The following LRRK2 variants were observed in gnomAD, a reference collection of about 807,000 sequenced individuals.
LRRK2 encodes leucine rich repeat kinase 2, also known as leucine-rich repeat serine/threonine-protein kinase 2.
In LRRK2, 203 loss-of-function variants were observed where a neutral mutation model predicts 302.6. That is an observed-to-expected ratio of 0.67 (90% confidence interval 0.60 to 0.75). The LOEUF is 0.75. LRRK2 is among the 30% of genes least tolerant of loss of function. The probability of loss-of-function intolerance (pLI) is 0.00; values close to 1 mark genes in which losing one functional copy is unlikely to be tolerated. For synonymous variants in LRRK2, 1,066 were observed against 1,031.9 expected, an observed-to-expected ratio of 1.03 and a Z score of -0.63; for missense variants, 2,830 against 2,951.0, an observed-to-expected ratio of 0.96 and a Z score of 0.95.
Position 40,240,532 on chromosome 12 carries a change from ATTG to A in LRRK2, c.624_626del (p.Leu209del). 6.2e-7 allele frequency: 1 copy of A among 1,612,904 alleles called. No homozygotes were observed. The highest frequency in any genetic ancestry group is 8.5e-7 in the Non-Finnish European group (1 of 1,179,136). The stretch of plus-strand genomic sequence containing the variant: ...TTGTTGAGAACAAAGATTATATGAT[ATTG>A]TTAAGTGCGTTAACAAATTTTAAAG... On this transcript the variant is annotated inframe_deletion, in exon 6 of 51. Coordinates refer to ENST00000298910, the MANE Select transcript of LRRK2 (RefSeq NM_198578.4).
chr12:40,256,179 G>A (rs1426152071), intron 11 of LRRK2, among the ~76,000 whole-genome samples: 3 of 152,312 alleles, frequency 2.0e-5, no homozygotes, highest in Middle Eastern at 3.4e-3. Flanking sequence ...AGTTGTGGTG[G>A]CTCACGCCTG....
Position 40,322,096 on chromosome 12 carries a change from T to C in LRRK2, c.5232T>C (p.Pro1744=). ...AAGGCATTTACTTAAATTGGTCTCCTGAAGCTTATTGTCTGGTAGGATCTG... is the reference window on the plus strand; with the variant it reads ...AAGGCATTTACTTAAATTGGTCTCCCGAAGCTTATTGTCTGGTAGGATCTG... ...WRQGIYLNWS[P]EAYCLVGSEV... is the part of the protein sequence containing the mutation. The change falls in exon 36 of 51, where the codon CCT becomes CCC. Residue 1744 remains proline, a synonymous_variant. Transcript: ENST00000298910. 6.2e-7 allele frequency: 1 copy of C among 1,613,504 alleles called. No homozygotes were observed. Among genetic ancestry groups the C allele is most frequent in the African/African-American group, 1.3e-5 (1 of 75,008 alleles).
chr12:40,226,918 T>A (rs1940919327), intron 2 of LRRK2, among the ~76,000 whole-genome samples: 1 of 152,054 alleles, frequency 6.6e-6, no homozygotes, highest in Non-Finnish European at 1.5e-5. Flanking sequence ...CTTGATAGAG[T>A]CACTCCTGCT....
chr12:40,278,004 A>G lies in LRRK2; in HGVS notation c.2058A>G (p.Gln686=). Residue 686 remains glutamine (Q), a synonymous_variant, in exon 17 of 51, where the codon CAA becomes CAG. Coordinates refer to ENST00000298910, the MANE Select transcript of LRRK2 (RefSeq NM_198578.4). ...AAATGTCTTCCAATATCATGGAACA[A>G]AAGGATCAACAGGTACAGTGTTTTT... ...FHQMSSNIME[Q]KDQQFLNLCC... is the part of the protein sequence containing the mutation. The G allele has an allele frequency of 3.1e-6, 5 of 1,613,816 alleles. No individual in the cohort carries two copies. Among genetic ancestry groups the G allele is most frequent in the Non-Finnish European group, 4.2e-6 (5 of 1,179,974 alleles).
chr12:40,336,022 C>T (rs964584379), intron 40 of LRRK2, among the ~76,000 whole-genome samples: 2 of 152,190 alleles, frequency 1.3e-5, no homozygotes, highest in Non-Finnish European at 2.9e-5. Context: ...CTACTGGTCC[C>T]CTGCTTCTAC....
At chr12:40,349,134 G>C (rs898740717) in intron 43 of LRRK2, among the ~76,000 whole-genome samples, 1 of 151,976 alleles carries the variant, frequency 6.6e-6, no homozygotes, top group Admixed American at 6.6e-5. Flanking sequence ...TAATGTGGAA[G>C]ACTAATTTTT....
chr12:40,275,383 C>T (rs1378492378), intron 16 of LRRK2, among the ~76,000 whole-genome samples: 1 of 151,946 alleles, frequency 6.6e-6, no homozygotes, highest in Non-Finnish European at 1.5e-5. Context: ...TGATTTTTTT[C>T]CTTGCAGTGA....
chr12:40,363,679 A>G lies in LRRK2; in HGVS notation c.7181+125A>G, dbSNP rs115070585. The G allele has an allele frequency of 2.3e-3, 2,320 of 1,017,576 alleles. 39 individuals are homozygous for G. The African/African-American group carries it at 0.034, about 15-fold the overall frequency. The allele number at this position is 1,017,576 out of a possible 1,614,324, so 63.0% of individuals were successfully genotyped here. A position where few individuals can be genotyped will look rare whatever the true frequency, so the allele number is the denominator to read the frequency against. On this transcript the variant is annotated intron_variant, in intron 48 of 50. Transcript: ENST00000298910. ...GAATTTTTTTAAAATGCAGAAAAAA[A>G]TTTGTAATGCTTCTCAGCACCATCT...
intron 34 of LRRK2, among the ~76,000 whole-genome samples, chr12:40,320,449 A>G (rs1280919886): frequency 6.6e-6 from 1 of 151,778 alleles, no homozygotes; most frequent in Non-Finnish European, 1.5e-5. Flanking sequence ...GTGGAGATTA[A>G]TGTGTGTGTG....
chr12:40,363,621 A>C lies in LRRK2; in HGVS notation c.7181+67A>C, dbSNP rs1040949182. 3.8e-6 allele frequency: 6 copies of C among 1,558,710 alleles called. No homozygotes were observed. The African/African-American group carries it at 5.5e-5, about 14-fold the overall frequency. ...CTTTGCACTTCATGTGTCACAGAGG[A>C]AGGATTTTTCTTCCTTTCTGCCTCT... On this transcript the variant is annotated intron_variant, in intron 48 of 50. Transcript: ENST00000298910.
chr12:40,354,445 G>T lies in LRRK2; in HGVS notation c.6723G>T (p.Met2241Ile). 6.2e-7 allele frequency: 1 copy of T among 1,614,098 alleles called. No homozygotes were observed. The highest frequency in any genetic ancestry group is 1.1e-5 in the South Asian group (1 of 91,058). ...AAAAGAGACATACCCTAGAAAAGAT[G>T]ACTGATTCTGTCACTTGTTTGTATT... The part of the protein sequence containing the change: ...DGKKRHTLEK[M>I]TDSVTCLYCN... The change falls in exon 45 of 51, where the codon ATG becomes ATT. Residue 2241 changes from methionine to isoleucine, a missense_variant. Met to Ile is a conservative substitution (Grantham distance 10). Around this residue, in one of 3 missense-constraint regions of LRRK2, gnomAD observed 456 missense variants for 456.3 expected, o/e 1.00. Coordinates refer to ENST00000298910, the MANE Select transcript of LRRK2 (RefSeq NM_198578.4).
intron 29 of LRRK2, 71 bp downstream of exon 29, chr12:40,308,767 T>C: frequency 3.6e-6 from 5 of 1,387,334 alleles, no homozygotes; most frequent in Non-Finnish European, 5.1e-6. Context: ...AAAACTGAGC[T>C]TTCTGTTCTA....
intron 23 of LRRK2, among the ~76,000 whole-genome samples, chr12:40,296,121 T>G (rs897510107): frequency 3.9e-5 from 6 of 152,208 alleles, no homozygotes; most frequent in African/African-American, 9.6e-5. Flanking sequence ...GAAAGTTTTT[T>G]TTTCAGTTTA....
Position 40,248,488 on chromosome 12 carries a change from A to G in LRRK2, c.839-1338A>G, listed in dbSNP as rs148863181. 3.8e-4 allele frequency among the ~76,000 whole-genome samples: 58 copies of G among 152,276 alleles called. No homozygotes were observed. The East Asian group carries it at 6.7e-3, about 18-fold the overall frequency. The stretch of plus-strand genomic sequence containing the variant: ...GTAAAGAATCTTTTTTCTCTTGATT[A>G]TCTCTTAGTGGATGATGATTTGTTC... On this transcript the variant is annotated intron_variant, in intron 7 of 50. Coordinates refer to ENST00000298910, the MANE Select transcript of LRRK2 (RefSeq NM_198578.4).
chr12:40,343,400 A>G (rs114599803), intron 41 of LRRK2, among the ~76,000 whole-genome samples: 82 of 152,326 alleles, frequency 5.4e-4, no homozygotes, highest in African/African-American at 1.9e-3. Flanking sequence ...TAACACACCC[A>G]TATAAATACT....
intron 25 of LRRK2, among the ~76,000 whole-genome samples, chr12:40,302,530 G>A (rs978274481): frequency 1.3e-5 from 2 of 152,080 alleles, no homozygotes; most frequent in African/African-American, 4.8e-5. Context: ...TTGTACAAAT[G>A]TTGGGTAGAC....
intron 20 of LRRK2, among the ~76,000 whole-genome samples, chr12:40,290,282 G>T (rs565447366): frequency 1.3e-5 from 2 of 151,820 alleles, no homozygotes; most frequent in African/African-American, 4.8e-5. Flanking sequence ...CTTGGTTATG[G>T]TACATTATCC....
At chr12:40,288,941 T>C (rs1268853854) in intron 20 of LRRK2, among the ~76,000 whole-genome samples, 2 of 151,852 alleles carry the variant, frequency 1.3e-5, no homozygotes, top group Non-Finnish European at 2.9e-5. Flanking sequence ...TTTTTTTCTT[T>C]TATGGTTTGT....
intron 2 of LRRK2, among the ~76,000 whole-genome samples, chr12:40,230,260 G>T (rs1487056882): frequency 6.6e-6 from 1 of 152,100 alleles, no homozygotes; most frequent in Non-Finnish European, 1.5e-5. Flanking sequence ...AAGTAATATT[G>T]TAAAGAGATC....
Sources: allele counts gnomAD v4.1 joint callset (sites outside exome capture counted in the v4.1 genomes callset), GRCh38; gene constraint gnomAD v4.1.1; regional missense constraint gnomAD v4.1.1; transcripts MANE v1.5; gene names NCBI Gene and HGNC (gene_info 2026-07-23, HGNC 2026-07-21).